Variants in RPS6KA2 observed in about 807,000 individuals in gnomAD.
RPS6KA2 encodes the protein ribosomal protein S6 kinase alpha-2.
RPS6KA2 carries 42 observed loss-of-function variants against 91.8 expected under a neutral mutation model. The observed-to-expected ratio is 0.46, with a 90% CI of 0.36 to 0.59. RPS6KA2 has a LOEUF of 0.59. RPS6KA2 is among the 20% of genes least tolerant of loss of function. The probability of loss-of-function intolerance (pLI) is 0.00; values close to 1 mark genes in which losing one functional copy is unlikely to be tolerated. For missense variants in RPS6KA2, 798 were observed against 978.5 expected, an observed-to-expected ratio of 0.82 and a Z score of 2.46; for synonymous variants, 414 against 393.6, an observed-to-expected ratio of 1.05 and a Z score of -0.61.
chr6:166,556,775 T>C (rs748967106), intron 1 of RPS6KA2, among the ~76,000 whole-genome samples: 4 of 152,220 alleles, frequency 2.6e-5, no homozygotes, highest in Admixed American at 2.0e-4. Flanking sequence ...GTCGTTATTC[T>C]AGGTAGGCCA....
At chr6:166,524,068 C>T (rs942158303) in intron 3 of RPS6KA2, among the ~76,000 whole-genome samples, 3 of 152,184 alleles carry the variant, frequency 2.0e-5, no homozygotes, top group East Asian at 1.9e-4. Flanking sequence ...TCCTGACTGC[C>T]GTGGGTGCCA....
At chr6:166,481,175 T>C (rs1020102851) in intron 10 of RPS6KA2, among the ~76,000 whole-genome samples, 1 of 152,250 alleles carries the variant, frequency 6.6e-6, no homozygotes, top group Non-Finnish European at 1.5e-5. Context: ...AATTAAAAGA[T>C]AGTTCATTTT....
intron 4 of RPS6KA2, 128 bp downstream of exon 4, chr6:166,510,149 G>T: frequency 4.1e-6 from 2 of 488,274 alleles, no homozygotes; most frequent in Non-Finnish European, 7.4e-6. Flanking sequence ...TCCTCCCCAG[G>T]CAGGGCAGGA....
intron 2 of RPS6KA2, among the ~76,000 whole-genome samples, chr6:166,642,757 A>G (rs1787483812): frequency 9.1e-6 from 1 of 110,320 alleles, no homozygotes; most frequent in Non-Finnish European, 2.1e-5. Context: ...CAGGATAAGT[A>G]AAAAAAATAC....
intron 1 of RPS6KA2, among the ~76,000 whole-genome samples, chr6:166,610,557 G>A (rs973627098): frequency 6.6e-6 from 1 of 152,172 alleles, no homozygotes; most frequent in African/African-American, 2.4e-5. Flanking sequence ...GGGCCATGGA[G>A]GCCTCCAAAA....
chr6:166,718,590 C>T (rs1246166926), intron 2 of RPS6KA2, among the ~76,000 whole-genome samples: 2 of 152,148 alleles, frequency 1.3e-5, no homozygotes, highest in African/African-American at 2.4e-5. Flanking sequence ...TATTTGTACA[C>T]ATTCTCTTTA....
chr6:166,738,910 C>A (rs1267707021), intron 2 of RPS6KA2, among the ~76,000 whole-genome samples: 1 of 152,288 alleles, frequency 6.6e-6, no homozygotes, highest in African/African-American at 2.4e-5. Flanking sequence ...CTTTACACAG[C>A]AAATATGTAG....
intron 2 of RPS6KA2, among the ~76,000 whole-genome samples, chr6:166,693,221 G>A (rs1476910257): frequency 1.3e-5 from 2 of 152,208 alleles, no homozygotes; most frequent in East Asian, 1.9e-4. Flanking sequence ...AGGAGGTGCT[G>A]CAGCGATTGG....
chr6:166,817,763 C>T (rs139110740), intron 2 of RPS6KA2, among the ~76,000 whole-genome samples: 6,227 of 151,386 alleles, frequency 0.041, 539 homozygotes, highest in East Asian at 0.39. Context: ...CGCTCTGTCA[C>T]CCAGGCTGGA....
intron 1 of RPS6KA2, among the ~76,000 whole-genome samples, chr6:166,598,981 T>C (rs1160069275): frequency 6.6e-6 from 1 of 152,240 alleles, no homozygotes; most frequent in African/African-American, 2.4e-5. Context: ...TCTCAGGGGT[T>C]ACTGCTGCTT....
At chr6:166,844,012 TA>T (rs3046210) in intron 2 of RPS6KA2, among the ~76,000 whole-genome samples, 3 of 148,628 alleles carry the variant, frequency 2.0e-5, no homozygotes, top group Non-Finnish European at 4.5e-5. Context: ...CTTAAAGAAA[TA>T]AAAAAAAACA....
intron 2 of RPS6KA2, among the ~76,000 whole-genome samples, chr6:166,707,045 C>A (rs1226306971): frequency 6.6e-6 from 1 of 152,114 alleles, no homozygotes; most frequent in Non-Finnish European, 1.5e-5. Flanking sequence ...TCCAACATAC[C>A]TATAATTAGT....
rs578203434 is a variant in RPS6KA2, at chr6:166,423,038, C to T, written c.1743+218G>A. Among the ~76,000 whole-genome samples the T allele has an allele frequency of 1.3e-5, 2 of 152,220 alleles. No individual in the cohort carries two copies. The highest frequency in any genetic ancestry group is 2.9e-5 in the Non-Finnish European group (2 of 68,002). On this transcript the variant is annotated intron_variant, in intron 17 of 20. Transcript: ENST00000265678. The surrounding 1 kb of genome is among the most constrained non-coding windows in gnomAD (Gnocchi z 4.8). ...AAATGTTACTGTTGAAAAGTTTTTT[C>T]AAATGGGAAAATGAGAATGATAAGA...
chr6:166,608,482 C>A (rs1583322252), intron 1 of RPS6KA2, among the ~76,000 whole-genome samples: 1 of 152,306 alleles, frequency 6.6e-6, no homozygotes, highest in East Asian at 1.9e-4. Context: ...AAAAATTCCC[C>A]TTTAAGAATT....
intron 2 of RPS6KA2, among the ~76,000 whole-genome samples, chr6:166,856,937 T>C (rs537945776): frequency 6.6e-6 from 1 of 152,310 alleles, no homozygotes; most frequent in South Asian, 2.1e-4. Flanking sequence ...AGCATAGTGT[T>C]CAAGAACGCA....
chr6:166,447,612 C>T (rs929828514), intron 14 of RPS6KA2, among the ~76,000 whole-genome samples: 2 of 152,180 alleles, frequency 1.3e-5, no homozygotes, highest in African/African-American at 4.8e-5. Flanking sequence ...TTTGAAATAC[C>T]TGTTTTCACA....
At chr6:166,644,676 C>T (rs1032670644) in intron 2 of RPS6KA2, among the ~76,000 whole-genome samples, 1 of 152,192 alleles carries the variant, frequency 6.6e-6, no homozygotes, top group Non-Finnish European at 1.5e-5. Flanking sequence ...TTTGTGGTGT[C>T]CATGTAGCAT....
intron 1 of RPS6KA2, among the ~76,000 whole-genome samples, chr6:166,611,626 T>A (rs1786180101): frequency 6.6e-6 from 1 of 152,242 alleles, no homozygotes; most frequent in African/African-American, 2.4e-5. Context: ...GCTTGGCTCA[T>A]ATAACTGAAA....
intron 1 of RPS6KA2, among the ~76,000 whole-genome samples, chr6:166,588,192 CCT>C (rs1166687714): frequency 6.6e-6 from 1 of 152,042 alleles, no homozygotes; most frequent in Non-Finnish European, 1.5e-5. Flanking sequence ...TCCACTGCTC[CCT>C]GAGTGTGGTT....
Sources: gnomAD v4.1 joint callset for allele counts (sites outside exome capture counted in the v4.1 genomes callset) on GRCh38, gnomAD v4.1.1 for gene constraint, Gnocchi (gnomAD v3.1) non-coding constraint, MANE v1.5 for transcripts, NCBI Gene and HGNC (gene_info 2026-07-23, HGNC 2026-07-21) for gene names.